ANO3: variants seen among roughly 807,000 people sequenced by gnomAD.
The protein encoded by ANO3 is anoctamin-3.
In ANO3, 99 loss-of-function variants were observed where a neutral mutation model predicts 144.8. That is an observed-to-expected ratio of 0.68 (90% CI 0.58 to 0.81). ANO3 has a LOEUF of 0.81. Ranked by LOEUF, ANO3 falls within the 30% of genes least tolerant of loss-of-function variation. ANO3 has a pLI of 0.00. For synonymous variants in ANO3, 414 were observed against 392.6 expected (o/e 1.05, Z -0.64); for missense variants, 905 against 1,202.2 (o/e 0.75, Z 3.66).
intron 4 of ANO3, among the ~76,000 whole-genome samples, chr11:26,500,792 C>A (rs565292870): frequency 1.0e-4 from 15 of 150,714 alleles, no homozygotes; most frequent in East Asian, 5.8e-4. Context: ...AAAAAAAAAA[C>A]CACCAAAAAA....
At chr11:26,346,310 A>G (rs1013379585) in intron 1 of ANO3, among the ~76,000 whole-genome samples, 5 of 152,224 alleles carry the variant, frequency 3.3e-5, no homozygotes, top group African/African-American at 1.2e-4. Flanking sequence ...TAATTTTAGC[A>G]AAGTGTGGAG....
intron 1 of ANO3, among the ~76,000 whole-genome samples, chr11:26,240,505 T>C (rs562272761): frequency 2.6e-5 from 4 of 152,322 alleles, no homozygotes; most frequent in South Asian, 4.1e-4. Context: ...GTGGAAATTA[T>C]ATATGGCACC....
chr11:26,660,413 G>A lies in ANO3; in HGVS notation c.2915G>A (p.Ser972Asn). 6.2e-7 allele frequency: 1 copy of A among 1,613,060 alleles called. No homozygotes were observed. The highest frequency in any genetic ancestry group is 8.5e-7 in the Non-Finnish European group (1 of 1,179,470). The change falls in exon 27 of 27, where the codon AGT becomes AAT. Residue 972 changes from serine (S) to asparagine (N), a missense_variant. By Grantham distance (46) the Ser-to-Asn change is conservative (BLOSUM62 1). This residue lies in a region of ANO3 where 597 missense variants were observed against 865.1 expected (regional missense o/e 0.69). Transcript: ENST00000256737. ...LEHLQQQRRKSGQPVHHEWP is the reference protein window; with the variant it reads ...LEHLQQQRRKNGQPVHHEWP ...CATTTGCAACAACAACGGAGAAAAA[G>A]TGGTCAGCCTGTTCACCATGAATGG...
At chr11:26,392,306 AT>A (rs1260615624) in intron 1 of ANO3, among the ~76,000 whole-genome samples, 2 of 150,260 alleles carry the variant, frequency 1.3e-5, no homozygotes, top group Non-Finnish European at 3.0e-5. Context: ...TGAGAGTAAC[AT>A]TTTTACACTG....
chr11:26,280,234 T>G (rs1853647727), intron 1 of ANO3, among the ~76,000 whole-genome samples: 1 of 152,196 alleles, frequency 6.6e-6, no homozygotes, highest in South Asian at 2.1e-4. Flanking sequence ...AAGAGTTGTC[T>G]TGTGTCACCT....
At chr11:26,310,002 T>C (rs931367208) in intron 1 of ANO3, among the ~76,000 whole-genome samples, 3 of 152,148 alleles carry the variant, frequency 2.0e-5, no homozygotes, top group African/African-American at 7.2e-5. Context: ...TAAGAAAGTA[T>C]TTACCTTCCA....
chr11:26,438,609 G>GAAAAAAAAAAAAAAAAAAAA (rs1222012718), intron 1 of ANO3, among the ~76,000 whole-genome samples: 1 of 73,300 alleles, frequency 1.4e-5, no homozygotes, highest in Non-Finnish European at 2.4e-5. Flanking sequence ...AAAAAAAAAA[G>GAAAAAAAAAAAAAAAAAAAA]AAAAAAAAAA....
At chr11:26,584,319 C>T (rs934314161) in intron 14 of ANO3, among the ~76,000 whole-genome samples, 3 of 152,072 alleles carry the variant, frequency 2.0e-5, no homozygotes, top group South Asian at 2.1e-4. Flanking sequence ...CCACCATGCC[C>T]GGCTAATTTT....
chr11:26,249,092 G>A (rs867518264), intron 1 of ANO3, among the ~76,000 whole-genome samples: 3 of 152,086 alleles, frequency 2.0e-5, no homozygotes, highest in Non-Finnish European at 2.9e-5. Context: ...ACTATAACAA[G>A]CAAAGACAAA....
chr11:26,313,406 G>A (rs749015603), intron 1 of ANO3, among the ~76,000 whole-genome samples: 1 of 152,142 alleles, frequency 6.6e-6, no homozygotes, highest in Non-Finnish European at 1.5e-5. Flanking sequence ...CAGGTGATAG[G>A]CCAGGCATGG....
intron 1 of ANO3, among the ~76,000 whole-genome samples, chr11:26,292,563 G>A (rs569880013): frequency 1.3e-5 from 2 of 152,244 alleles, no homozygotes; most frequent in South Asian, 4.1e-4. Context: ...TCTACCTTTC[G>A]TATTTGATGA....
chr11:26,526,128 C>T (rs144377862), intron 7 of ANO3, among the ~76,000 whole-genome samples: 79 of 152,156 alleles, frequency 5.2e-4, no homozygotes, highest in African/African-American at 1.8e-3. Context: ...GGCCATGTAC[C>T]GTCTTTTGAA....
At chr11:26,462,629 T>G (rs1191344189) in intron 3 of ANO3, among the ~76,000 whole-genome samples, 2 of 151,892 alleles carry the variant, frequency 1.3e-5, no homozygotes, top group African/African-American at 4.8e-5. Flanking sequence ...GAAAACAGAC[T>G]CTCAAGATCA....
intron 3 of ANO3, among the ~76,000 whole-genome samples, chr11:26,452,087 C>T (rs1408927669): frequency 6.6e-6 from 1 of 152,144 alleles, no homozygotes; most frequent in Non-Finnish European, 1.5e-5. Flanking sequence ...ATCTGTACAT[C>T]ACCATCATCA....
At chr11:26,455,461 T>C (rs1056217167) in intron 3 of ANO3, among the ~76,000 whole-genome samples, 4 of 152,078 alleles carry the variant, frequency 2.6e-5, no homozygotes, top group Non-Finnish European at 5.9e-5. Flanking sequence ...ATGAGTGAAC[T>C]CCCATTCACA....
intron 14 of ANO3, among the ~76,000 whole-genome samples, chr11:26,575,755 T>A (rs781337604): frequency 6.6e-5 from 10 of 152,196 alleles, no homozygotes; most frequent in Non-Finnish European, 5.9e-5. Context: ...TCAGACATTT[T>A]CAATAATTTC....
chr11:26,660,407 G>A lies in ANO3; in HGVS notation c.2909G>A (p.Arg970Lys). ...AELEHLQQQRRKSGQPVHHEW... is the reference protein window; with the variant it reads ...AELEHLQQQRKKSGQPVHHEW... Reference sequence around the variant, plus strand: ...CTGGAACATTTGCAACAACAACGGAGAAAAAGTGGTCAGCCTGTTCACCAT... The same window carrying A: ...CTGGAACATTTGCAACAACAACGGAAAAAAAGTGGTCAGCCTGTTCACCAT... The change falls in exon 27 of 27, where the codon AGA (arginine) becomes AAA (lysine). Residue 970 changes from arginine (R) to lysine (K), a missense_variant. Arg to Lys is a conservative substitution (Grantham distance 26). Coordinates refer to ENST00000256737, the MANE Select transcript of ANO3 (RefSeq NM_031418.4). 1.2e-6 allele frequency: 2 copies of A among 1,612,728 alleles called. No individual in the cohort carries two copies. Among genetic ancestry groups the A allele is most frequent in the Admixed American group, 1.7e-5 (1 of 59,870 alleles).
At position 26,231,003 on chromosome 11, in the gene ANO3, T is replaced by A. The variant is rs550143452; in HGVS notation, c.154+41673T>A. 3.3e-5 allele frequency among the ~76,000 whole-genome samples: 5 copies of A among 151,076 alleles called. No individual in the cohort carries two copies. The East Asian group carries it at 1.0e-3, about 30-fold the overall frequency. On this transcript the variant is annotated intron_variant, in intron 1 of 27. Transcript: ENST00000672621. Reference sequence around the variant, plus strand: ...CAGTGATTCTCCTGCCTCAGCCTCCTGAGTAGCTGGGATTGCAGGTGTGCA... The same window carrying A: ...CAGTGATTCTCCTGCCTCAGCCTCCAGAGTAGCTGGGATTGCAGGTGTGCA...
At chr11:26,273,134 G>A (rs1224931506) in intron 1 of ANO3, among the ~76,000 whole-genome samples, 1 of 151,850 alleles carries the variant, frequency 6.6e-6, no homozygotes, top group Non-Finnish European at 1.5e-5. Context: ...AAGAAGGCCT[G>A]GACAATAAGA....
Sources: allele counts gnomAD v4.1 joint callset (sites outside exome capture counted in the v4.1 genomes callset), GRCh38; gene constraint gnomAD v4.1.1; regional missense constraint gnomAD v4.1.1; transcripts MANE v1.5; gene names NCBI Gene and HGNC (gene_info 2026-07-23, HGNC 2026-07-21).